DCC: variants seen among roughly 807,000 people sequenced by gnomAD.
DCC encodes the protein netrin receptor DCC.
A neutral mutation model predicts 172.5 loss-of-function variants in DCC; 58 were observed. The observed-to-expected ratio is 0.34, with a 90% CI of 0.27 to 0.42. The LOEUF is 0.42. Ranked by LOEUF, DCC falls within the 10% of genes least tolerant of loss-of-function variation. DCC has a pLI of 1.00. For synonymous variants in DCC, 709 were observed against 644.5 expected (o/e 1.10, Z -1.52); for missense variants, 1,740 against 1,791.0 (o/e 0.97, Z 0.51).
At chr18:52,377,874 AT>A (rs1985419359) in intron 1 of DCC, among the ~76,000 whole-genome samples, 1 of 151,800 alleles carries the variant, frequency 6.6e-6, no homozygotes, top group East Asian at 1.9e-4. Context: ...TAATTTTTGT[AT>A]TTTTAGTAGA....
At chr18:52,848,052 A>C (rs1332330557) in intron 2 of DCC, among the ~76,000 whole-genome samples, 1 of 151,620 alleles carries the variant, frequency 6.6e-6, no homozygotes, top group Non-Finnish European at 1.5e-5. Context: ...GAGGAAAAAC[A>C]GGAAAAGGTT....
At chr18:52,586,177 A>T (rs1008269537) in intron 1 of DCC, among the ~76,000 whole-genome samples, 4 of 152,034 alleles carry the variant, frequency 2.6e-5, no homozygotes, top group African/African-American at 9.7e-5. Flanking sequence ...ATCAAATCTG[A>T]ATAATCCAAC....
chr18:52,864,454 A>G (rs1290308995), intron 2 of DCC, among the ~76,000 whole-genome samples: 1 of 152,204 alleles, frequency 6.6e-6, no homozygotes, highest in Non-Finnish European at 1.5e-5. Context: ...AGAAAGTCAT[A>G]TTTTGGAGAC....
Position 52,714,591 on chromosome 18 carries a change from T to C in DCC, c.92-37463T>C, listed in dbSNP as rs141076864. ...AGGATGAGTGAGTGAGTTGAGAGGC[T>C]GAAATAATTTGGATAAGCATCTCAT... On this transcript the variant is annotated intron_variant, in intron 1 of 28. Coordinates refer to ENST00000442544, the MANE Select transcript of DCC (RefSeq NM_005215.4). Among the ~76,000 whole-genome samples the C allele has an allele frequency of 4.1e-3, 620 of 152,328 alleles. 5 individuals carry two copies. The highest frequency in any genetic ancestry group is 0.014 in the African/African-American group (585 of 41,576).
chr18:53,031,839 AT>A (rs2042029885), intron 5 of DCC, among the ~76,000 whole-genome samples: 1 of 152,014 alleles, frequency 6.6e-6, no homozygotes, highest in African/African-American at 2.4e-5. Flanking sequence ...ATTAAAAATC[AT>A]TTTATAGATG....
At chr18:53,509,786 C>T (rs549542014) in intron 27 of DCC, among the ~76,000 whole-genome samples, 1 of 152,108 alleles carries the variant, frequency 6.6e-6, no homozygotes, top group African/African-American at 2.4e-5. Flanking sequence ...ACCTGTGGAA[C>T]ATAAACCAAT....
At chr18:53,180,347 C>T (rs1409296995) in intron 9 of DCC, among the ~76,000 whole-genome samples, 1 of 152,208 alleles carries the variant, frequency 6.6e-6, no homozygotes, top group Non-Finnish European at 1.5e-5. Context: ...ACCTCAACAA[C>T]TTCAAAAGCA....
chr18:52,607,127 G>T (rs570557188), intron 1 of DCC, among the ~76,000 whole-genome samples: 23 of 152,158 alleles, frequency 1.5e-4, no homozygotes, highest in Admixed American at 1.2e-3. Flanking sequence ...CAGGAAATTT[G>T]CTCCCTATCG....
chr18:53,205,668 C>T (rs759710875), intron 10 of DCC, among the ~76,000 whole-genome samples: 17 of 152,166 alleles, frequency 1.1e-4, no homozygotes, highest in Non-Finnish European at 2.5e-4. Flanking sequence ...ATTAACTCAC[C>T]TGGTCGTGGA....
intron 2 of DCC, among the ~76,000 whole-genome samples, chr18:52,878,093 G>A (rs2039429205): frequency 1.3e-5 from 2 of 151,802 alleles, no homozygotes; most frequent in Admixed American, 6.6e-5. Flanking sequence ...CCCACTTTGG[G>A]GTTTCCTCCA....
chr18:53,305,022 A>G (rs552015615), intron 12 of DCC, among the ~76,000 whole-genome samples: 1 of 152,276 alleles, frequency 6.6e-6, no homozygotes, highest in African/African-American at 2.4e-5. Context: ...ATAGTTTTAT[A>G]AAGGGGAGTT....
chr18:53,023,132 T>C (rs575695633), intron 5 of DCC, among the ~76,000 whole-genome samples: 1 of 152,068 alleles, frequency 6.6e-6, no homozygotes, highest in Admixed American at 6.6e-5. Context: ...TAATAATAAA[T>C]GTACCATAGT....
At chr18:52,409,551 G>C (rs1442053764) in intron 1 of DCC, among the ~76,000 whole-genome samples, 1 of 152,150 alleles carries the variant, frequency 6.6e-6, no homozygotes, top group Non-Finnish European at 1.5e-5. Context: ...CCAGCGGCCT[G>C]GGTCCATGTC....
chr18:52,495,982 G>A (rs2030732177), intron 1 of DCC, among the ~76,000 whole-genome samples: 1 of 151,946 alleles, frequency 6.6e-6, no homozygotes, highest in Non-Finnish European at 1.5e-5. Context: ...AGGATTAGAT[G>A]ATCAAATATT....
chr18:53,283,152 A>T (rs191330046), intron 12 of DCC, among the ~76,000 whole-genome samples: 1 of 152,322 alleles, frequency 6.6e-6, no homozygotes, highest in African/African-American at 2.4e-5. Flanking sequence ...AGTATTTCTT[A>T]TGCATCATAA....
At chr18:52,903,280 A>G (rs1855210796) in intron 2 of DCC, among the ~76,000 whole-genome samples, 1 of 152,150 alleles carries the variant, frequency 6.6e-6, no homozygotes, top group Non-Finnish European at 1.5e-5. Flanking sequence ...GTCTTAGCTC[A>G]CTGCAACCTC....
At chr18:52,516,569 A>G (rs939805103) in intron 1 of DCC, among the ~76,000 whole-genome samples, 1 of 152,230 alleles carries the variant, frequency 6.6e-6, no homozygotes, top group Non-Finnish European at 1.5e-5. Context: ...AGTCATTTCA[A>G]CAAAAATACG....
intron 23 of DCC, among the ~76,000 whole-genome samples, chr18:53,450,865 A>G (rs1344286118): frequency 2.0e-5 from 3 of 152,162 alleles, no homozygotes; most frequent in African/African-American, 7.2e-5. Context: ...AACAAAATCC[A>G]TCTGGGACCC....
At chr18:52,513,138 C>T (rs889367335) in intron 1 of DCC, among the ~76,000 whole-genome samples, 1 of 152,090 alleles carries the variant, frequency 6.6e-6, no homozygotes, top group Non-Finnish European at 1.5e-5. Context: ...TTATAGTTCT[C>T]CTAGGAAGAA....
Sources: gnomAD v4.1 joint callset for allele counts (sites outside exome capture counted in the v4.1 genomes callset) on GRCh38, gnomAD v4.1.1 for gene constraint, MANE v1.5 for transcripts, NCBI Gene and HGNC (gene_info 2026-07-23, HGNC 2026-07-21) for gene names.